FAM20A: variants seen among roughly 807,000 people sequenced by gnomAD.
FAM20A encodes the protein pseudokinase FAM20A.
Under a neutral mutation model 52.0 loss-of-function variants are expected in FAM20A, and 42 were observed. That is an observed-to-expected ratio of 0.81 (90% CI 0.63 to 1.04). The LOEUF (loss-of-function observed/expected upper bound fraction) is 1.04, where lower values mean the gene tolerates loss of function less well. Ranked by LOEUF, FAM20A falls within the 50% of genes least tolerant of loss-of-function variation. FAM20A has a pLI of 0.00. For synonymous variants in FAM20A, 304 were observed against 298.9 expected, an observed-to-expected ratio of 1.02 and a Z score of -0.18; for missense variants, 742 against 712.7, an observed-to-expected ratio of 1.04 and a Z score of -0.47.
intron 1 of FAM20A, among the ~76,000 whole-genome samples, chr17:68,567,593 C>A (rs570616837): frequency 1.3e-5 from 2 of 151,910 alleles, no homozygotes; most frequent in Admixed American, 1.3e-4. Flanking sequence ...AGAAGCCAGA[C>A]AAAGAAGTCC....
intron 1 of FAM20A, among the ~76,000 whole-genome samples, chr17:68,594,496 T>C (rs1278099612): frequency 6.6e-6 from 1 of 152,226 alleles, no homozygotes; most frequent in Non-Finnish European, 1.5e-5. Context: ...ATTAATTAGC[T>C]CACAGTTTTG....
At position 68,600,627 on chromosome 17, in the gene FAM20A, G is replaced by GT. The variant is rs764238068; in HGVS notation, c.39_40insA (p.Leu14ThrfsTer66). On this transcript the variant is annotated frameshift_variant, in exon 1 of 11. Coordinates refer to ENST00000592554, the MANE Select transcript of FAM20A (RefSeq NM_017565.4). LOFTEE classifies it high-confidence loss of function. This position sits in a 1 kb window ranked among gnomAD's most constrained non-coding sequence, Gnocchi z 6.2. Reference sequence around the variant, plus strand: ...TCGGCGGAGAGCAGCGCGCCCAGCAGCAGCAGAGTCAGTAGGCGGTCCCGG... The same window carrying GT: ...TCGGCGGAGAGCAGCGCGCCCAGCAGTCAGCAGAGTCAGTAGGCGGTCCCGG... The GT allele has an allele frequency of 1.9e-6, 3 of 1,561,922 alleles. No individual in the cohort carries two copies. The highest frequency in any genetic ancestry group is 2.3e-5 in the South Asian group (2 of 85,560).
intron 1 of FAM20A, among the ~76,000 whole-genome samples, chr17:68,585,339 T>G (rs2088136287): frequency 6.6e-6 from 1 of 152,136 alleles, no homozygotes; most frequent in African/African-American, 2.4e-5. Context: ...TATCCCTCTA[T>G]TCAACCCCTC....
chr17:68,596,905 AAGG>A (rs1489743772), intron 1 of FAM20A, among the ~76,000 whole-genome samples: 2 of 152,164 alleles, frequency 1.3e-5, no homozygotes, highest in African/African-American at 2.4e-5. Context: ...ACAGTGAGTG[AAGG>A]AGGTTTGCAG....
chr17:68,546,332 A>G (rs954700387), intron 4 of FAM20A, among the ~76,000 whole-genome samples: 2 of 151,988 alleles, frequency 1.3e-5, no homozygotes, highest in African/African-American at 4.8e-5. Flanking sequence ...TGAACCCCTC[A>G]AAGTCATCCA....
intron 1 of FAM20A, among the ~76,000 whole-genome samples, chr17:68,566,572 C>T (rs2087383366): frequency 6.6e-6 from 1 of 152,156 alleles, no homozygotes; most frequent in African/African-American, 2.4e-5. Flanking sequence ...GGCAATGCTA[C>T]AGCAGGGTCA....
intron 1 of FAM20A, chr17:68,582,656 G>A (rs910636529): frequency 3.3e-5 from 5 of 152,246 alleles, no homozygotes; most frequent in Non-Finnish European, 5.9e-5. Context: ...TACATGATCT[G>A]ACTCCATCTT....
chr17:68,537,698 C>G lies in FAM20A; in HGVS notation c.1405G>C (p.Ala469Pro), dbSNP rs1417637958. The G allele has an allele frequency of 1.2e-6, 2 of 1,613,606 alleles. No individual in the cohort carries two copies. Among genetic ancestry groups the G allele is most frequent in the Admixed American group, 3.3e-5 (2 of 59,952 alleles). ...TLLHLQLLAQ[A>P]DYRLSDVMRE... The stretch of plus-strand genomic sequence containing the variant: ...ATCACATCGCTGAGTCTGTAGTCAG[C>G]TTGGGCCAGCAGCTGCAGGTGCAAA... The change falls in exon 11 of 11, where the codon GCT (alanine) becomes CCT (proline). Residue 469 changes from alanine to proline, a missense_variant. Ala to Pro is a conservative substitution (Grantham distance 27). Coordinates refer to ENST00000592554, the MANE Select transcript of FAM20A (RefSeq NM_017565.4). The surrounding 1 kb of genome is among the most constrained non-coding windows in gnomAD (Gnocchi z 4.2).
intron 3 of FAM20A, among the ~76,000 whole-genome samples, chr17:68,552,178 G>A (rs1156945606): frequency 1.3e-5 from 2 of 152,034 alleles, no homozygotes; most frequent in African/African-American, 4.8e-5. Flanking sequence ...AGGTGAAGGC[G>A]GGAGGATCGC....
intron 4 of FAM20A, among the ~76,000 whole-genome samples, chr17:68,545,656 A>C (rs1257228723): frequency 6.6e-6 from 1 of 152,232 alleles, no homozygotes; most frequent in African/African-American, 2.4e-5. Flanking sequence ...GATTCACAAA[A>C]GATGTATCTG....
At chr17:68,597,055 T>C (rs975680364) in intron 1 of FAM20A, among the ~76,000 whole-genome samples, 3 of 152,122 alleles carry the variant, frequency 2.0e-5, no homozygotes, top group Non-Finnish European at 4.4e-5. Flanking sequence ...CATTCAAAAC[T>C]GCACAAATGT....
rs2088414570 is a variant in FAM20A at position 68,594,991 on chromosome 17, A to AT, written c.404+5271dup. Among the ~76,000 whole-genome samples, 5 of 152,350 alleles carry AT rather than the reference A, an allele frequency of 3.3e-5. No homozygotes were observed. In the South Asian group the frequency reaches 8.3e-4, roughly 25 times the overall value. ...GGCTGAACAACTAGGAGAGGTGTGT[A>AT]TGCCAGGGCTGGAAATCTTGGAAGG... On this transcript the variant is annotated intron_variant, in intron 1 of 10. Transcript: ENST00000592554.
At chr17:68,551,089 C>T (rs769261973) in intron 4 of FAM20A, 7 of 1,234,336 alleles carry the variant, frequency 5.7e-6, no homozygotes, top group Non-Finnish European at 6.1e-6. Flanking sequence ...TGCAGGTCAC[C>T]TCATCATCTC....
At chr17:68,543,577 C>T (rs1388105506) in intron 5 of FAM20A, 52 bp downstream of exon 5, 1 of 1,535,568 alleles carries the variant, frequency 6.5e-7, no homozygotes, top group Non-Finnish European at 9.0e-7. Context: ...GCCACCCCTC[C>T]CAGAGGATTG....
In FAM20A at chr17:68,600,779, T is replaced by A; in HGVS notation, c.-113A>T. ...CTGGAGTCCCGCGGGTGGGCCGGGG[T>A]CAGTGAGACCGGAATGCTCCCCGCG... On this transcript the variant is annotated 5_prime_UTR_variant, in exon 1 of 11. Transcript: ENST00000592554. This position sits in a 1 kb window ranked among gnomAD's most constrained non-coding sequence, Gnocchi z 6.2. 8.2e-7 allele frequency: 1 copy of A among 1,223,016 alleles called. No homozygotes were observed. Among genetic ancestry groups the A allele is most frequent in the Non-Finnish European group, 1.1e-6 (1 of 900,412 alleles). The allele number at this position is 1,223,016 out of a possible 1,614,324, so 75.8% of individuals were successfully genotyped here. A position where few individuals can be genotyped will look rare whatever the true frequency, so the allele number is the denominator to read the frequency against.
rs200599944 is a variant in FAM20A, at chr17:68,539,892, C to T, written c.1294G>A (p.Ala432Thr). 154 of 1,614,032 alleles carry T rather than the reference C, an allele frequency of 9.5e-5. No individual in the cohort carries two copies. The highest frequency in any genetic ancestry group is 1.2e-4 in the Non-Finnish European group (146 of 1,179,940). Residue 432 changes from alanine (A) to threonine (T), a missense_variant, in exon 9 of 11, where the codon GCC becomes ACC. Physicochemically the swap from Ala to Thr is moderately conservative, Grantham distance 58. Coordinates refer to ENST00000592554, the MANE Select transcript of FAM20A (RefSeq NM_017565.4). Reference sequence around the variant, plus strand: ...ACACGTGGGGAAGCTCACCCTCTGGCGTTGTCAAGGTGAATAAGGAACCCA... The same window carrying T: ...ACACGTGGGGAAGCTCACCCTCTGGTGTTGTCAAGGTGAATAAGGAACCCA... ...DDGFLIHLDN[A>T]RGFGRHSHDE...
intron 3 of FAM20A, 47 bp from the exon 4 acceptor site, chr17:68,551,998 C>A (rs1600567940): frequency 1.5e-6 from 2 of 1,290,872 alleles, no homozygotes; most frequent in Non-Finnish European, 2.2e-6. Flanking sequence ...GGGCCTCAGC[C>A]AAGGCTTGTG....
chr17:68,537,407 C>G lies in FAM20A; in HGVS notation c.*70G>C. 1 of 1,600,780 alleles carries G rather than the reference C, an allele frequency of 6.2e-7. No individual in the cohort carries two copies. The highest frequency in any genetic ancestry group is 8.5e-7 in the Non-Finnish European group (1 of 1,170,954). ...CAGCAGTAACAGGTGGGAGTGAGGA[C>G]GCAGGGTCGGCACTCGAGTCGACTG... is the stretch of plus-strand genomic sequence containing the variant. On this transcript the variant is annotated 3_prime_UTR_variant, in exon 11 of 11. Transcript: ENST00000592554. The surrounding 1 kb of genome is among the most constrained non-coding windows in gnomAD (Gnocchi z 4.2).
At chr17:68,586,820 C>T (rs2088175409) in intron 1 of FAM20A, among the ~76,000 whole-genome samples, 1 of 152,172 alleles carries the variant, frequency 6.6e-6, no homozygotes, top group Non-Finnish European at 1.5e-5. Flanking sequence ...AATATAGTTA[C>T]CAAATTCCCT....
Sources: gnomAD v4.1 joint callset for allele counts (sites outside exome capture counted in the v4.1 genomes callset) on GRCh38, gnomAD v4.1.1 for gene constraint, Gnocchi (gnomAD v3.1) non-coding constraint, MANE v1.5 for transcripts, NCBI Gene and HGNC (gene_info 2026-07-23, HGNC 2026-07-21) for gene names.